The following PLXNA4 variants were observed in gnomAD, a reference collection of about 807,000 sequenced individuals.
PLXNA4 encodes plexin A4, also known as plexin-A4.
A neutral mutation model predicts 191.8 loss-of-function variants in PLXNA4; 44 were observed. That is an observed-to-expected ratio of 0.23 (90% CI 0.18 to 0.29). The LOEUF is 0.29. PLXNA4 is among the 10% of genes least tolerant of loss of function. The pLI, the probability that PLXNA4 is intolerant of heterozygous loss-of-function variation, is 1.00. For synonymous variants in PLXNA4, 1,082 were observed against 1,009.5 expected (o/e 1.07, Z -1.36); for missense variants, 1,800 against 2,488.8 (o/e 0.72, Z 5.89).
chr7:132,349,387 G>C (rs1308352656), intron 3 of PLXNA4, among the ~76,000 whole-genome samples: 8 of 152,186 alleles, frequency 5.3e-5, no homozygotes, highest in Non-Finnish European at 1.0e-4. Flanking sequence ...GGTGGGGTCG[G>C]AGGAGTGGCT....
At chr7:132,597,784 T>C (rs1004498586) in intron 2 of PLXNA4, among the ~76,000 whole-genome samples, 5 of 152,054 alleles carry the variant, frequency 3.3e-5, no homozygotes, top group African/African-American at 7.2e-5. Flanking sequence ...ATATGCTTCA[T>C]TCTGTTCCTT....
chr7:132,506,693 C>A (rs1798478180), intron 2 of PLXNA4, among the ~76,000 whole-genome samples: 1 of 152,164 alleles, frequency 6.6e-6, no homozygotes, highest in Non-Finnish European at 1.5e-5. Context: ...GTGTCCCCTG[C>A]TTCACCTGGG....
At chr7:132,321,664 G>T (rs1802171136) in intron 3 of PLXNA4, among the ~76,000 whole-genome samples, 1 of 152,230 alleles carries the variant, frequency 6.6e-6, no homozygotes, top group Non-Finnish European at 1.5e-5. Flanking sequence ...AGGCAGGAGG[G>T]AGCCCCGGGG....
At chr7:132,418,354 C>T (rs1010850498) in intron 3 of PLXNA4, among the ~76,000 whole-genome samples, 2 of 152,186 alleles carry the variant, frequency 1.3e-5, no homozygotes, top group Admixed American at 6.5e-5. Context: ...GTTGTGATTG[C>T]TCCTGTTTTC....
chr7:132,167,995 C>T (rs1796170462), intron 22 of PLXNA4, among the ~76,000 whole-genome samples: 1 of 152,150 alleles, frequency 6.6e-6, no homozygotes, highest in Non-Finnish European at 1.5e-5. Flanking sequence ...CTGAAGATTC[C>T]ATGAGAGGAG....
intron 2 of PLXNA4, among the ~76,000 whole-genome samples, chr7:132,600,539 A>AT (rs1467384260): frequency 1.3e-5 from 2 of 151,850 alleles, no homozygotes; most frequent in South Asian, 2.1e-4. Context: ...ATTATTTTTT[A>AT]TTTTTTGTAG....
intron 3 of PLXNA4, among the ~76,000 whole-genome samples, chr7:132,336,993 G>T (rs754503990): frequency 6.6e-6 from 1 of 152,176 alleles, no homozygotes; most frequent in Non-Finnish European, 1.5e-5. Context: ...AGGAAATCTG[G>T]AACTTGGAGC....
chr7:132,406,720 C>G (rs1410079989), intron 3 of PLXNA4, among the ~76,000 whole-genome samples: 1 of 152,132 alleles, frequency 6.6e-6, no homozygotes, highest in Non-Finnish European at 1.5e-5. Flanking sequence ...TTACGACTCA[C>G]CTGGAACCAC....
chr7:132,377,777 G>A (rs1804721109), intron 3 of PLXNA4, among the ~76,000 whole-genome samples: 1 of 152,200 alleles, frequency 6.6e-6, no homozygotes, highest in Non-Finnish European at 1.5e-5. Flanking sequence ...AGGAAGGTAT[G>A]GCCAGGGGTA....
At chr7:132,618,024 G>A (rs1460840601) in intron 2 of PLXNA4, among the ~76,000 whole-genome samples, 1 of 152,114 alleles carries the variant, frequency 6.6e-6, no homozygotes, top group African/African-American at 2.4e-5. Flanking sequence ...GAGCAGGAAG[G>A]CAGACCCTTC....
chr7:132,543,267 G>A (rs1800158888), intron 1 of PLXNA4, among the ~76,000 whole-genome samples: 1 of 152,166 alleles, frequency 6.6e-6, no homozygotes. Flanking sequence ...TGGTTTACTT[G>A]TAGTTCCAAC....
rs56832356 is a variant in PLXNA4, at chr7:132,474,214, TCACACACACACACACA to T, written c.1371+15062_1371+15077del. On this transcript the variant is annotated intron_variant, in intron 3 of 31. Coordinates refer to ENST00000321063, the MANE Select transcript of PLXNA4 (RefSeq NM_020911.2). ...TGAGCCAAGATCAGATCTCTCTGTC[TCACACACACACACACA>T]CACACACACACACACACACACACAC... Among the ~76,000 whole-genome samples the T allele has an allele frequency of 1.8e-4, 25 of 140,304 alleles. No homozygotes were observed. In the South Asian group the frequency reaches 2.6e-3, roughly 15 times the overall value. 92.0% of individuals were successfully genotyped at this position (140,304 alleles called of 152,430 possible).
intron 3 of PLXNA4, among the ~76,000 whole-genome samples, chr7:132,366,395 G>A (rs1348125616): frequency 2.0e-5 from 3 of 152,046 alleles, no homozygotes; most frequent in African/African-American, 2.4e-5. Context: ...GTGGTGGCGG[G>A]TGCCTGTAAC....
chr7:132,275,119 G>A (rs541306225), intron 4 of PLXNA4, among the ~76,000 whole-genome samples: 1 of 152,180 alleles, frequency 6.6e-6, no homozygotes, highest in South Asian at 2.1e-4. Flanking sequence ...TTTGTATCCA[G>A]TAGTGACTCT....
At chr7:132,380,478 G>A (rs994427954) in intron 3 of PLXNA4, among the ~76,000 whole-genome samples, 8 of 152,188 alleles carry the variant, frequency 5.3e-5, no homozygotes, top group Non-Finnish European at 1.0e-4. Flanking sequence ...CACCGAGGGA[G>A]AAGATAATAT....
intron 3 of PLXNA4, among the ~76,000 whole-genome samples, chr7:132,452,139 G>T (rs933058643): frequency 1.3e-5 from 2 of 152,224 alleles, no homozygotes; most frequent in Non-Finnish European, 2.9e-5. Flanking sequence ...AGTAGAGAAA[G>T]AAGATGTTTT....
intron 3 of PLXNA4, among the ~76,000 whole-genome samples, chr7:132,397,414 G>C (rs1793810690): frequency 1.3e-5 from 2 of 152,210 alleles, no homozygotes; most frequent in African/African-American, 4.8e-5. Flanking sequence ...GAGAGAAACA[G>C]ACACAAGGGC....
At chr7:132,613,871 G>A (rs148595309) in intron 2 of PLXNA4, among the ~76,000 whole-genome samples, 28 of 152,336 alleles carry the variant, frequency 1.8e-4, no homozygotes, top group African/African-American at 6.7e-4. Flanking sequence ...AGAAAAAAAT[G>A]TTCCACAGTT....
intron 3 of PLXNA4, among the ~76,000 whole-genome samples, chr7:132,422,214 T>A (rs989491355): frequency 6.6e-6 from 1 of 152,204 alleles, no homozygotes; most frequent in African/African-American, 2.4e-5. Flanking sequence ...TGGCTCTGCA[T>A]GGATGGGATG....
Sources: allele counts gnomAD v4.1 joint callset (sites outside exome capture counted in the v4.1 genomes callset), GRCh38; gene constraint gnomAD v4.1.1; transcripts MANE v1.5; gene names NCBI Gene and HGNC (gene_info 2026-07-23, HGNC 2026-07-21).